The following ASXL3 variants were observed in gnomAD, a reference collection of about 807,000 sequenced individuals.
ASXL3 encodes the protein putative Polycomb group protein ASXL3.
ASXL3 carries 34 observed loss-of-function variants against 170.6 expected under a neutral mutation model. That is an observed-to-expected ratio of 0.20 (90% CI 0.15 to 0.27). The LOEUF is 0.27. ASXL3 is among the 10% of genes least tolerant of loss of function. The probability of loss-of-function intolerance (pLI) is 1.00; values close to 1 mark genes in which losing one functional copy is unlikely to be tolerated. For missense variants in ASXL3, 2,592 were observed against 2,695.3 expected, an observed-to-expected ratio of 0.96 and a Z score of 0.85; for synonymous variants, 1,002 against 989.1, an observed-to-expected ratio of 1.01 and a Z score of -0.24.
chr18:33,620,020 A>G (rs2065484971), intron 2 of ASXL3, among the ~76,000 whole-genome samples: 1 of 152,148 alleles, frequency 6.6e-6, no homozygotes, highest in South Asian at 2.1e-4. Context: ...AGTGTTCTTA[A>G]GCAGAGAATA....
In ASXL3 at chr18:33,650,667, T is replaced by C. The variant is rs186884768; in HGVS notation, c.355+4314T>C. ...AAACTTCCCTAATGTAAAATGTGAA[T>C]AGGCACTTCACCAAATAACACATAC... On this transcript the variant is annotated intron_variant, in intron 4 of 11. Coordinates refer to ENST00000269197, the MANE Select transcript of ASXL3 (RefSeq NM_030632.3). Among the ~76,000 whole-genome samples the C allele has an allele frequency of 6.1e-3, 929 of 152,228 alleles. 7 individuals carry two copies. Among genetic ancestry groups the C allele is most frequent in the South Asian group, 0.021 (103 of 4,824 alleles).
intron 10 of ASXL3, among the ~76,000 whole-genome samples, chr18:33,737,399 TTATC>T (rs1051317810): frequency 6.6e-6 from 1 of 152,178 alleles, no homozygotes; most frequent in Non-Finnish European, 1.5e-5. Flanking sequence ...TCTCTCCTGC[TTATC>T]TTTCTCATTG....
At chr18:33,700,997 G>A (rs986200733) in intron 8 of ASXL3, among the ~76,000 whole-genome samples, 2 of 151,880 alleles carry the variant, frequency 1.3e-5, no homozygotes, top group Non-Finnish European at 2.9e-5. Context: ...CAGTAATAAA[G>A]CAGTTTGGGG....
At chr18:33,641,102 A>G (rs1003604337) in intron 2 of ASXL3, among the ~76,000 whole-genome samples, 1 of 152,050 alleles carries the variant, frequency 6.6e-6, no homozygotes, top group African/African-American at 2.4e-5. Context: ...TGCATTCCCC[A>G]GGTATTCTGT....
chr18:33,590,781 A>G (rs566044526), intron 1 of ASXL3, among the ~76,000 whole-genome samples: 9 of 152,108 alleles, frequency 5.9e-5, no homozygotes, highest in East Asian at 1.9e-4. Flanking sequence ...TTTCTGTTCT[A>G]TTTTCCCCCA....
intron 1 of ASXL3, among the ~76,000 whole-genome samples, chr18:33,599,758 G>A (rs2065164941): frequency 6.6e-6 from 1 of 152,068 alleles, no homozygotes; most frequent in African/African-American, 2.4e-5. Context: ...GCACTAATAA[G>A]ATTTCAGAGC....
At chr18:33,673,140 AG>A (rs1453904330) in intron 7 of ASXL3, among the ~76,000 whole-genome samples, 1 of 152,196 alleles carries the variant, frequency 6.6e-6, no homozygotes, top group African/African-American at 2.4e-5. Flanking sequence ...TGATAGATAA[AG>A]AATATACTAA....
intron 7 of ASXL3, among the ~76,000 whole-genome samples, chr18:33,681,916 TTCCC>T (rs1345066989): frequency 6.6e-6 from 1 of 152,234 alleles, no homozygotes; most frequent in East Asian, 1.9e-4. Context: ...TCAATAATTT[TTCCC>T]CTGTTATGTC....
chr18:33,692,032 A>G (rs1321323055), intron 8 of ASXL3, among the ~76,000 whole-genome samples: 3 of 152,220 alleles, frequency 2.0e-5, no homozygotes, highest in Non-Finnish European at 4.4e-5. Flanking sequence ...GGGAGTGAGA[A>G]TGGAAACACA....
At chr18:33,673,508 A>G (rs2066379009) in intron 7 of ASXL3, among the ~76,000 whole-genome samples, 1 of 151,502 alleles carries the variant, frequency 6.6e-6, no homozygotes, top group Non-Finnish European at 1.5e-5. Flanking sequence ...TGAGTAGCTG[A>G]GGCACTGCCA....
intron 1 of ASXL3, among the ~76,000 whole-genome samples, chr18:33,580,669 G>A (rs973270476): frequency 6.6e-6 from 1 of 152,106 alleles, no homozygotes; most frequent in Admixed American, 6.5e-5. Context: ...GATATAATTT[G>A]AAAGAGATTT....
intron 5 of ASXL3, among the ~76,000 whole-genome samples, chr18:33,667,259 C>T (rs754703972): frequency 1.3e-5 from 2 of 152,028 alleles, no homozygotes; most frequent in Admixed American, 1.3e-4. Flanking sequence ...GAATCCTAAT[C>T]CTGGGGATCT....
At chr18:33,729,850 A>G (rs772562045) in intron 8 of ASXL3, among the ~76,000 whole-genome samples, 15 of 152,082 alleles carry the variant, frequency 9.9e-5, no homozygotes, top group Non-Finnish European at 1.8e-4. Context: ...CAGGATGTCA[A>G]TCACCAGGCA....
At chr18:33,595,309 TTTTG>T (rs2065116082) in intron 1 of ASXL3, among the ~76,000 whole-genome samples, 1 of 152,176 alleles carries the variant, frequency 6.6e-6, no homozygotes, top group Non-Finnish European at 1.5e-5. Flanking sequence ...TTCTCAGAAT[TTTTG>T]TTTATTAAGA....
At chr18:33,600,295 C>G (rs2065170728) in intron 1 of ASXL3, among the ~76,000 whole-genome samples, 1 of 152,030 alleles carries the variant, frequency 6.6e-6, no homozygotes, top group South Asian at 2.1e-4. Context: ...ACACAATTGC[C>G]TTTTGACCTT....
intron 1 of ASXL3, 83 bp downstream of exon 1, chr18:33,578,768 GC>G: frequency 1.1e-6 from 1 of 874,062 alleles, no homozygotes; most frequent in Non-Finnish European, 1.5e-6. Flanking sequence ...GGCGGAGACG[GC>G]CACTTCCAGC....
At chr18:33,652,332 C>A (rs2066011335) in intron 4 of ASXL3, among the ~76,000 whole-genome samples, 1 of 151,948 alleles carries the variant, frequency 6.6e-6, no homozygotes, top group Non-Finnish European at 1.5e-5. Flanking sequence ...ATGATACCAT[C>A]AGTAGACAGT....
At position 33,746,068 on chromosome 18, in the gene ASXL3, G is replaced by A. The variant is rs774517489; in HGVS notation, c.6220G>A (p.Gly2074Ser). The change falls in exon 12 of 12, where the codon GGC becomes AGC. Residue 2074 changes from glycine (G) to serine (S), a missense_variant. This residue lies in a region of ASXL3 where 2,246 missense variants were observed against 2,219.6 expected (regional missense o/e 1.01). Transcript: ENST00000269197. ...TKRLSWPQST[G>S]ICSNIKSEPL... Reference sequence around the variant, plus strand: ...GAGACTTAGTTGGCCACAGTCCACGGGCATATGTAGCAATATAAAATCGGA... The same window carrying A: ...GAGACTTAGTTGGCCACAGTCCACGAGCATATGTAGCAATATAAAATCGGA... The A allele has an allele frequency of 4.8e-5, 77 of 1,613,070 alleles. No homozygotes were observed. In the East Asian group the frequency reaches 1.7e-3, roughly 35 times the overall value.
chr18:33,673,226 C>T (rs947345273), intron 7 of ASXL3, among the ~76,000 whole-genome samples: 1 of 152,114 alleles, frequency 6.6e-6, no homozygotes, highest in Non-Finnish European at 1.5e-5. Flanking sequence ...AAACAGCTAC[C>T]AACCTCTGTA....
Sources: allele counts gnomAD v4.1 joint callset (sites outside exome capture counted in the v4.1 genomes callset), GRCh38; gene constraint gnomAD v4.1.1; regional missense constraint gnomAD v4.1.1; transcripts MANE v1.5; gene names NCBI Gene and HGNC (gene_info 2026-07-23, HGNC 2026-07-21).